Variants in KLRG2 observed in about 807,000 individuals in gnomAD.
The protein encoded by KLRG2 is killer cell lectin like receptor G2.
KLRG2 carries 39 observed loss-of-function variants against 35.4 expected under a neutral mutation model. That is an observed-to-expected ratio of 1.10 (90% CI 0.85 to 1.44). The LOEUF (loss-of-function observed/expected upper bound fraction) is 1.44, where lower values mean the gene tolerates loss of function less well. Ranked by LOEUF, KLRG2 falls within the 40% of genes most tolerant of loss-of-function variation. The probability of loss-of-function intolerance (pLI) is 0.00; values close to 1 mark genes in which losing one functional copy is unlikely to be tolerated. For missense variants in KLRG2, 632 were observed against 570.9 expected, an observed-to-expected ratio of 1.11 and a Z score of -1.09; for synonymous variants, 283 against 265.8, an observed-to-expected ratio of 1.06 and a Z score of -0.63.
rs765088717 is a variant in KLRG2 at position 139,480,233 on chromosome 7, C to T, written c.772G>A (p.Val258Met). Residue 258 changes from valine to methionine, a missense_variant, in exon 2 of 5, where the codon GTG becomes ATG. Val to Met is a conservative substitution (Grantham distance 21, BLOSUM62 1). Transcript: ENST00000340940. ...AVTLTGLPMYVKSLYWALAFM... is the reference protein window; with the variant it reads ...AVTLTGLPMYMKSLYWALAFM... ...GCCAGGGCCCAGTACAGGGACTTCACGTACATGGGTAGCCCTGGGACGGGG... is the reference window on the plus strand; with the variant it reads ...GCCAGGGCCCAGTACAGGGACTTCATGTACATGGGTAGCCCTGGGACGGGG... 1.1e-5 allele frequency: 17 copies of T among 1,605,838 alleles called. No homozygotes were observed. The highest frequency in any genetic ancestry group is 3.3e-5 in the Admixed American group (2 of 59,952).
In KLRG2 at chr7:139,483,198, G is replaced by A; in HGVS notation, c.445C>T (p.Arg149Cys). The change falls in exon 1 of 5, where the codon CGC becomes TGC. Residue 149 changes from arginine to cysteine, a missense_variant. Arg to Cys is a radical substitution (Grantham distance 180, BLOSUM62 -3). Transcript: ENST00000340940. The stretch of plus-strand genomic sequence containing the variant: ...TCGGGCACCGGCACCTTGAGGAAGC[G>A]CGTGGAGGGCCTGGGCGATGGCGTG... The part of the protein sequence containing the change: ...SSTPSPRPST[R>C]FLKVPVPESP... 6.6e-7 allele frequency: 1 copy of A among 1,516,366 alleles called. No individual in the cohort carries two copies. Among genetic ancestry groups the A allele is most frequent in the Non-Finnish European group, 8.8e-7 (1 of 1,141,100 alleles). 93.9% of individuals were successfully genotyped at this position (1,516,366 alleles called of 1,614,324 possible).
intron 3 of KLRG2, among the ~76,000 whole-genome samples, chr7:139,457,297 C>T (rs923533801): frequency 6.6e-6 from 1 of 152,078 alleles, no homozygotes; most frequent in East Asian, 1.9e-4. Context: ...GAGGGCTGAG[C>T]GGCCCAACAC....
At chr7:139,455,600 C>G (rs906464478) in intron 3 of KLRG2, among the ~76,000 whole-genome samples, 15 of 148,222 alleles carry the variant, frequency 1.0e-4, no homozygotes, top group African/African-American at 3.5e-4. Flanking sequence ...GGATTACAGG[C>G]GTGAGCCACC....
intron 3 of KLRG2, among the ~76,000 whole-genome samples, chr7:139,470,881 C>T (rs561663352): frequency 8.3e-4 from 126 of 151,566 alleles, no homozygotes; most frequent in African/African-American, 2.7e-3. Flanking sequence ...CTCACTCTAT[C>T]GCCCAGGCTG....
chr7:139,445,798 T>TATATATATATATAC, the KLRG2 span, among the ~76,000 whole-genome samples: 77 of 126,044 alleles, frequency 6.1e-4, 7 homozygotes, highest in African/African-American at 3.5e-3. Flanking sequence ...TATATGTGTG[T>TATATATATATATAC]ATATATATAT....
rs759571251 is a variant in KLRG2 at position 139,453,708 on chromosome 7, CT to C, written c.1110-2del. ...ATTGTCCTCGCCGTCCTCAGGGAGT[CT>C]GGGAAAGGATGGGAGGGGAAAGAGG... On this transcript the variant is annotated splice_acceptor_variant, in intron 4 of 4. Coordinates refer to ENST00000340940, the MANE Select transcript of KLRG2 (RefSeq NM_198508.4). LOFTEE classifies it high-confidence loss of function. 4 of 1,613,938 alleles carry C rather than the reference CT, an allele frequency of 2.5e-6. No individual in the cohort carries two copies. The highest frequency in any genetic ancestry group is 3.4e-6 in the Non-Finnish European group (4 of 1,179,946).
At chr7:139,477,763 ATT>A (rs71520057) in intron 3 of KLRG2, among the ~76,000 whole-genome samples, 14 of 148,162 alleles carry the variant, frequency 9.4e-5, no homozygotes, top group African/African-American at 1.7e-4. Context: ...TTTTAACACA[ATT>A]TTTTTTTTTT....
At chr7:139,447,284 G>A in the KLRG2 span, among the ~76,000 whole-genome samples, 1 of 152,052 alleles carries the variant, frequency 6.6e-6, no homozygotes, top group African/African-American at 2.4e-5. Flanking sequence ...TTAATTACAC[G>A]AACCTATAGG....
At chr7:139,443,244 C>T in the KLRG2 span, among the ~76,000 whole-genome samples, 2 of 150,392 alleles carry the variant, frequency 1.3e-5, no homozygotes, top group African/African-American at 2.5e-5. Flanking sequence ...ATAGACCATG[C>T]CGGGCTAATT....
intron 3 of KLRG2, among the ~76,000 whole-genome samples, chr7:139,460,406 A>G (rs1204737325): frequency 6.6e-6 from 1 of 152,186 alleles, no homozygotes; most frequent in Non-Finnish European, 1.5e-5. Flanking sequence ...GGTCAGGTGC[A>G]GCGGCTCATG....
the KLRG2 span, among the ~76,000 whole-genome samples, chr7:139,431,085 C>A: frequency 6.9e-6 from 1 of 144,192 alleles, no homozygotes; most frequent in African/African-American, 2.8e-5. Flanking sequence ...CAAGCAGCAA[C>A]ATGAATACCT....
chr7:139,446,031 ATGTTAGCCAGGC>A, the KLRG2 span, among the ~76,000 whole-genome samples: 451 of 151,922 alleles, frequency 3.0e-3, 1 homozygote, highest in African/African-American at 0.01. Flanking sequence ...CGAGGTTTCC[ATGTTAGCCAGGC>A]TGTTAGCCAG....
chr7:139,442,358 C>G, the KLRG2 span, among the ~76,000 whole-genome samples: 3 of 152,178 alleles, frequency 2.0e-5, no homozygotes, highest in Non-Finnish European at 4.4e-5. Flanking sequence ...TCTCCTAGAG[C>G]ATACATAGCC....
intron 1 of KLRG2, among the ~76,000 whole-genome samples, chr7:139,481,349 A>T (rs898383954): frequency 3.9e-5 from 6 of 152,212 alleles, no homozygotes; most frequent in Non-Finnish European, 5.9e-5. Context: ...CAACAGCAAT[A>T]GAAAACTAAT....
chr7:139,455,465 G>C (rs537135862), intron 3 of KLRG2, among the ~76,000 whole-genome samples: 2 of 152,068 alleles, frequency 1.3e-5, no homozygotes, highest in Admixed American at 1.3e-4. Flanking sequence ...GGGACTACAG[G>C]CACCCGCCAC....
At chr7:139,462,142 G>A (rs1162423702) in intron 3 of KLRG2, among the ~76,000 whole-genome samples, 1 of 152,094 alleles carries the variant, frequency 6.6e-6, no homozygotes, top group Non-Finnish European at 1.5e-5. Context: ...CGTTTTATCC[G>A]TGAACCCAAA....
chr7:139,451,606 G>T (rs556757734), downstream of KLRG2, among the ~76,000 whole-genome samples: 8 of 152,148 alleles, frequency 5.3e-5, no homozygotes, highest in African/African-American at 1.9e-4. Context: ...CCACCTGATG[G>T]CTTCCCACTC....
intron 4 of KLRG2, 98 bp from the exon 5 acceptor site, chr7:139,453,805 C>T (rs10954649): frequency 0.35 from 502,238 of 1,421,860 alleles, 93,961 homozygotes; most frequent in African/African-American, 0.67. Flanking sequence ...TCACCTCTAC[C>T]GGCCTGGGCA....
chr7:139,432,791 G>A, the KLRG2 span, among the ~76,000 whole-genome samples: 3 of 152,002 alleles, frequency 2.0e-5, no homozygotes, highest in African/African-American at 4.8e-5. Flanking sequence ...TAAATGCTAC[G>A]TAAACAGTTG....
Sources: gnomAD v4.1 joint callset for allele counts (sites outside exome capture counted in the v4.1 genomes callset) on GRCh38, gnomAD v4.1.1 for gene constraint, MANE v1.5 for transcripts, NCBI Gene and HGNC (gene_info 2026-07-23, HGNC 2026-07-21) for gene names.